Variants in AMZ1 observed in about 807,000 individuals in gnomAD.
AMZ1 encodes the protein archaemetzincin-1.
Under a neutral mutation model 29.9 loss-of-function variants are expected in AMZ1, and 39 were observed. The observed-to-expected ratio is 1.30, with a 90% CI of 1.01 to 1.70. The LOEUF is 1.70. Among genes scored for constraint, AMZ1 ranks in the 40% most tolerant of loss-of-function variants. The pLI, the probability that AMZ1 is intolerant of heterozygous loss-of-function variation, is 0.00. For missense variants in AMZ1, 1,041 were observed against 680.6 expected (o/e 1.53, Z -5.89); for synonymous variants, 458 against 304.0 (o/e 1.51, Z -5.27).
intron 3 of AMZ1, among the ~76,000 whole-genome samples, chr7:2,706,534 C>T (rs947064305): frequency 2.6e-5 from 4 of 152,188 alleles, no homozygotes; most frequent in African/African-American, 4.8e-5. Flanking sequence ...CAGAAGGCTC[C>T]GTGGAGGGTG....
In AMZ1 at chr7:2,731,624, G is replaced by A. The variant is rs1789902296; in HGVS notation, n.550+21808G>A. ...TCGAAGCACTGGAACCACTTCTGGC[G>A]CTGGGACCGCTGGCCGCCCACATCC... On this transcript the variant is annotated intron_variant and non_coding_transcript_variant, in intron 4 of 4. Coordinates refer to the AMZ1 transcript ENST00000489665. The surrounding 1 kb of genome is among the most constrained non-coding windows in gnomAD (Gnocchi z 6.0). The A allele has an allele frequency of 1.2e-6, 2 of 1,613,822 alleles. No individual in the cohort carries two copies. The highest frequency in any genetic ancestry group is 1.7e-6 in the Non-Finnish European group (2 of 1,179,918).
intron 1 of AMZ1, among the ~76,000 whole-genome samples, chr7:2,695,369 C>T (rs1787649988): frequency 6.6e-6 from 1 of 152,222 alleles, no homozygotes; most frequent in Admixed American, 6.5e-5. Flanking sequence ...CCCACGTGGT[C>T]CCAGCAAGGT....
intron 1 of AMZ1, among the ~76,000 whole-genome samples, chr7:2,697,933 G>GA (rs897973949): frequency 6.6e-6 from 1 of 151,370 alleles, no homozygotes; most frequent in Non-Finnish European, 1.5e-5. Flanking sequence ...CGTTCCTCTG[G>GA]AAAAAAAATA....
chr7:2,751,099 A>G (rs1380713093), intron 4 of AMZ1, among the ~76,000 whole-genome samples: 1 of 152,082 alleles, frequency 6.6e-6, no homozygotes, highest in East Asian at 1.9e-4. Flanking sequence ...TTACATGCTT[A>G]TATTAGGGCC....
chr7:2,690,208 T>A (rs376083961), intron 1 of AMZ1, among the ~76,000 whole-genome samples: 26 of 151,054 alleles, frequency 1.7e-4, no homozygotes, highest in Admixed American at 3.3e-4. Context: ...TGTGTGTGTG[T>A]GAGAGAGAGA....
chr7:2,760,584 C>T (rs17132661), upstream of AMZ1: 3,746 of 152,532 alleles, frequency 0.025, 112 homozygotes, highest in Middle Eastern at 0.075. Context: ...GCGTCCCTGA[C>T]GAGCACTGCA....
downstream of AMZ1, among the ~76,000 whole-genome samples, chr7:2,719,683 A>ATT (rs11426798): frequency 4.3e-3 from 638 of 147,318 alleles, 3 homozygotes; most frequent in African/African-American, 0.011. Context: ...ATCAACCCCA[A>ATT]TTTTTTTTTT....
At chr7:2,710,945 G>C (rs1788735992) in intron 6 of AMZ1, among the ~76,000 whole-genome samples, 1 of 152,242 alleles carries the variant, frequency 6.6e-6, no homozygotes, top group Non-Finnish European at 1.5e-5. Context: ...CACAGGGGCA[G>C]CTTGGTCTGC....
At position 2,737,082 on chromosome 7, in the gene AMZ1, G is replaced by A. The variant is rs1790220025; in HGVS notation, n.550+27266G>A. 9.2e-5 allele frequency among the ~76,000 whole-genome samples: 14 copies of A among 152,224 alleles called. No homozygotes were observed. The South Asian group carries it at 2.9e-3, about 32-fold the overall frequency. On this transcript the variant is annotated intron_variant and non_coding_transcript_variant, in intron 4 of 4. Transcript: ENST00000489665. ...TGTGCATTAAAGACAGCCCATGTGT[G>A]GGTCCCACTGGGGAGTGAGAGGAAA... is the stretch of plus-strand genomic sequence containing the variant.
intron 4 of AMZ1, among the ~76,000 whole-genome samples, chr7:2,724,798 G>A (rs1046889465): frequency 1.3e-4 from 20 of 152,244 alleles, no homozygotes; most frequent in African/African-American, 4.8e-4. Context: ...GCAAATCACC[G>A]TCAGCCACGT....
At chr7:2,680,093 G>A (rs1786829922) in intron 1 of AMZ1, among the ~76,000 whole-genome samples, 1 of 152,200 alleles carries the variant, frequency 6.6e-6, no homozygotes, top group Non-Finnish European at 1.5e-5. Flanking sequence ...AAGCTGGGGA[G>A]TCTATAGCCG....
intron 1 of AMZ1, among the ~76,000 whole-genome samples, chr7:2,693,913 C>T (rs1327713077): frequency 6.6e-6 from 1 of 152,200 alleles, no homozygotes; most frequent in Non-Finnish European, 1.5e-5. Context: ...ATGCTATTTA[C>T]TTAGCACTTT....
intron 4 of AMZ1, chr7:2,730,108 T>C (rs931932356): frequency 6.6e-6 from 1 of 152,400 alleles, no homozygotes; most frequent in Non-Finnish European, 1.5e-5. Flanking sequence ...CTCCAGCGTC[T>C]GTGGGCTTCC....
chr7:2,724,052 C>T (rs895314938), downstream of AMZ1, among the ~76,000 whole-genome samples: 7 of 151,824 alleles, frequency 4.6e-5, no homozygotes, highest in African/African-American at 1.7e-4. Flanking sequence ...ATTACAGGCG[C>T]CTGCCACCAC....
At chr7:2,706,528 A>C (rs1489600187) in intron 3 of AMZ1, among the ~76,000 whole-genome samples, 4 of 152,214 alleles carry the variant, frequency 2.6e-5, no homozygotes, top group Non-Finnish European at 5.9e-5. Flanking sequence ...TGGTCTCAGA[A>C]GGCTCCGTGG....
rs147179931 is a variant in AMZ1, at chr7:2,705,855, C to G, written c.473-2733C>G. Among the ~76,000 whole-genome samples, 1,492 of 152,340 alleles carry G rather than the reference C, an allele frequency of 9.8e-3. 15 individuals are homozygous for G. The highest frequency in any genetic ancestry group is 0.015 in the Non-Finnish European group (1,023 of 68,030). The stretch of plus-strand genomic sequence containing the variant: ...GGCCCTAAAACACAGCCGGGGACCC[C>G]GTGCCTCTCAGGCTTGGCCTCTGCA... On this transcript the variant is annotated intron_variant, in intron 3 of 6. Transcript: ENST00000683327.
intron 1 of AMZ1, among the ~76,000 whole-genome samples, chr7:2,689,369 CT>C (rs1291143600): frequency 3.3e-5 from 4 of 122,262 alleles, no homozygotes; most frequent in African/African-American, 8.1e-5. Flanking sequence ...CAGAACCTCC[CT>C]GGGGGGGGGA....
chr7:2,696,883 CAAAAACA>C (rs746853767), intron 1 of AMZ1, among the ~76,000 whole-genome samples: 46 of 146,828 alleles, frequency 3.1e-4, no homozygotes, highest in African/African-American at 8.5e-4. Flanking sequence ...GACTCTGTCT[CAAAAACA>C]AAAAACAAAA....
At chr7:2,762,226 G>C (rs987016577), upstream of AMZ1, 2 of 182,158 alleles carry the variant, frequency 1.1e-5, no homozygotes, top group Admixed American at 6.2e-5. Flanking sequence ...TAAGGGCTTC[G>C]TGTTCTGCAC....
Sources: gnomAD v4.1 joint callset for allele counts (sites outside exome capture counted in the v4.1 genomes callset) on GRCh38, gnomAD v4.1.1 for gene constraint, Gnocchi (gnomAD v3.1) non-coding constraint, MANE v1.5 for transcripts, NCBI Gene and HGNC (gene_info 2026-07-23, HGNC 2026-07-21) for gene names.